The following FGF13 variants were observed in gnomAD, a reference collection of about 807,000 sequenced individuals.
FGF13 encodes the protein fibroblast growth factor 13, also known as fibroblast growth factor homologous factor 2.
FGF13 carries 2 observed loss-of-function variants against 19.5 expected under a neutral mutation model. The ratio of observed to expected loss-of-function variants is 0.10; its 90% CI spans 0.04 to 0.32. The LOEUF is 0.32. FGF13 is among the 10% of genes least tolerant of loss of function. The probability of loss-of-function intolerance (pLI) is 1.00; values close to 1 mark genes in which losing one functional copy is unlikely to be tolerated. For synonymous variants in FGF13, 72 were observed against 76.9 expected (o/e 0.94, Z 0.33); for missense variants, 113 against 192.7 (o/e 0.59, Z 2.45).
At chrX:138,853,622 T>TGC (rs1556252495), downstream of FGF13, among the ~76,000 whole-genome samples, 2 of 53,533 alleles carry the variant, frequency 3.7e-5, no homozygotes, top group Admixed American at 1.6e-4. Context: ...TGCGTGTGCG[T>TGC]GTGTGTGTGT....
chrX:139,097,134 C>T (rs1161723406), intron 1 of FGF13, among the ~76,000 whole-genome samples: 1 of 111,335 alleles, frequency 9.0e-6, no homozygotes, highest in Non-Finnish European at 1.9e-5. Flanking sequence ...AAATCATGAC[C>T]AACTCAGATT....
intron 1 of FGF13, among the ~76,000 whole-genome samples, chrX:138,894,029 C>T (rs2091490366): frequency 8.9e-6 from 1 of 111,777 alleles, no homozygotes; most frequent in Admixed American, 9.5e-5. Flanking sequence ...ATAGAAAAGA[C>T]ATATTTCTGT....
At chrX:139,184,484 T>C (rs772974843) in intron 1 of FGF13, among the ~76,000 whole-genome samples, 15 of 111,745 alleles carry the variant, frequency 1.3e-4, no homozygotes, top group Admixed American at 5.7e-4. Flanking sequence ...AGTAAGTCCA[T>C]ACCTCATCAT....
intron 1 of FGF13, among the ~76,000 whole-genome samples, chrX:139,061,540 A>C (rs1569448518): frequency 9.0e-6 from 1 of 111,567 alleles, no homozygotes; most frequent in Non-Finnish European, 1.9e-5. Flanking sequence ...ATGTAGCATG[A>C]GGCTCTCATT....
chrX:138,889,650 A>G (rs1280847592), intron 1 of FGF13, among the ~76,000 whole-genome samples: 1 of 111,788 alleles, frequency 8.9e-6, no homozygotes, highest in Non-Finnish European at 1.9e-5. Context: ...AAAAGAAATG[A>G]CAAATAACTC....
At chrX:139,168,966 C>G (rs1413888344) in intron 1 of FGF13, among the ~76,000 whole-genome samples, 1 of 112,106 alleles carries the variant, frequency 8.9e-6, no homozygotes, top group African/African-American at 3.2e-5. Context: ...ATGGAGTAGA[C>G]AGTGTTCTGA....
At position 138,921,932 on chromosome X, in the gene FGF13, A is replaced by G. The variant is rs145431522; in HGVS notation, c.-112-57282T>C. ...AGACAGAACTCGCAAACATAAAACA[A>G]TCAGAAGAATAGGCTAATCATGTTC... On this transcript the variant is annotated intron_variant, in intron 1 of 2. Coordinates refer to the FGF13 transcript ENST00000421460. Among the ~76,000 whole-genome samples the G allele has an allele frequency of 8.9e-3, 928 of 103,780 alleles. 62 individuals are homozygous for G. The Admixed American group carries it at 0.09, about 10-fold the overall frequency. The allele number at this position is 103,780 out of a possible 115,157, so 90.1% of individuals were successfully genotyped here.
intron 3 of FGF13, among the ~76,000 whole-genome samples, chrX:138,641,930 A>T (rs1415612525): frequency 8.9e-6 from 1 of 112,098 alleles, no homozygotes; most frequent in East Asian, 2.8e-4. Flanking sequence ...ACAGTAAATT[A>T]TCAATACATA....
chrX:139,006,081 A>T (rs1056831463), intron 1 of FGF13, among the ~76,000 whole-genome samples: 4 of 111,459 alleles, frequency 3.6e-5, no homozygotes, highest in African/African-American at 9.8e-5. Flanking sequence ...ACTACAAAAA[A>T]GTTATAGAAC....
chrX:138,838,037 G>T (rs759790501), intron 3 of FGF13, among the ~76,000 whole-genome samples: 1 of 112,139 alleles, frequency 8.9e-6, no homozygotes, highest in Non-Finnish European at 1.9e-5. Context: ...ACCTTGGTAG[G>T]TTTAGACTCT....
intron 1 of FGF13, among the ~76,000 whole-genome samples, chrX:138,902,992 T>C (rs374489452): frequency 4.5e-4 from 50 of 111,347 alleles, no homozygotes; most frequent in East Asian, 3.7e-3. Flanking sequence ...TAAAAGCCAG[T>C]TGACAATTAA....
chrX:139,104,109 TA>T, intron 1 of FGF13, among the ~76,000 whole-genome samples: 1 of 111,456 alleles, frequency 9.0e-6, no homozygotes, highest in African/African-American at 3.3e-5. Context: ...AAAAATGTAT[TA>T]ATGTTGGGTA....
intron 1 of FGF13, among the ~76,000 whole-genome samples, chrX:138,917,855 C>T (rs1308529661): frequency 8.9e-6 from 1 of 111,739 alleles, no homozygotes; most frequent in East Asian, 2.8e-4. Context: ...TAAAAACAGA[C>T]TTTTTGCTTC....
At position 138,767,105 on chromosome X, in the gene FGF13, C is replaced by T. The variant is rs763759480; in HGVS notation, c.218-58177G>A. On this transcript the variant is annotated intron_variant, in intron 3 of 6. Transcript: ENST00000436198. ...GTCTAAGCGGCTTCAGGGGAATCTA[C>T]GTTTTCTGCTATATGATGTGAGGTG... Among the ~76,000 whole-genome samples the T allele has an allele frequency of 2.0e-4, 22 of 111,378 alleles. No individual in the cohort carries two copies. In the South Asian group the frequency reaches 5.0e-3, roughly 25 times the overall value.
intron 3 of FGF13, among the ~76,000 whole-genome samples, chrX:138,654,069 C>A (rs1209597181): frequency 9.0e-6 from 1 of 110,653 alleles, no homozygotes; most frequent in Non-Finnish European, 1.9e-5. Context: ...TAATTAGAAC[C>A]CAGTCGGGTC....
At chrX:139,060,267 T>G (rs2092332628) in intron 1 of FGF13, among the ~76,000 whole-genome samples, 1 of 111,467 alleles carries the variant, frequency 9.0e-6, no homozygotes, top group Non-Finnish European at 1.9e-5. Context: ...TCATAATATG[T>G]ACTTACATAT....
intron 1 of FGF13, among the ~76,000 whole-genome samples, chrX:138,882,073 T>C (rs2091428469): frequency 9.0e-6 from 1 of 111,127 alleles, no homozygotes; most frequent in South Asian, 3.8e-4. Flanking sequence ...CCCTTTGCTA[T>C]ATCCCATAAG....
At position 138,996,331 on chromosome X, in the gene FGF13, T is replaced by C. The variant is rs1267880784; in HGVS notation, c.-112-131681A>G. ...GAACGGTACACTCCTGCCCAGATAC[T>C]GCGCTTTTCCCACGGTCTTTGCAAC... On this transcript the variant is annotated intron_variant, in intron 1 of 2. Coordinates refer to the FGF13 transcript ENST00000421460. Among the ~76,000 whole-genome samples, 7 of 112,477 alleles carry C rather than the reference T, an allele frequency of 6.2e-5. No individual in the cohort carries two copies. The East Asian group carries it at 2.0e-3, about 32-fold the overall frequency.
At chrX:138,697,824 T>G (rs2089910267) in intron 3 of FGF13, among the ~76,000 whole-genome samples, 1 of 111,525 alleles carries the variant, frequency 9.0e-6, no homozygotes, top group Admixed American at 9.6e-5. Context: ...TTTTTATATT[T>G]AAGACACTTG....
Sources: gnomAD v4.1 joint callset for allele counts (sites outside exome capture counted in the v4.1 genomes callset) on GRCh38, gnomAD v4.1.1 for gene constraint, MANE v1.5 for transcripts, NCBI Gene and HGNC (gene_info 2026-07-23, HGNC 2026-07-21) for gene names.